The following HS3ST4 variants were observed in gnomAD, a reference collection of about 807,000 sequenced individuals.
HS3ST4 encodes heparan sulfate glucosamine 3-O-sulfotransferase 4.
In HS3ST4, 17 loss-of-function variants were observed where a neutral mutation model predicts 29.2. That is an observed-to-expected ratio of 0.58 (90% CI 0.40 to 0.87). HS3ST4 has a LOEUF of 0.87. Ranked by LOEUF, HS3ST4 falls within the 40% of genes least tolerant of loss-of-function variation. The pLI is 0.00. For synonymous variants in HS3ST4, 314 were observed against 285.7 expected, an observed-to-expected ratio of 1.10 and a Z score of -1.00; for missense variants, 627 against 634.5, an observed-to-expected ratio of 0.99 and a Z score of 0.13.
At chr16:26,050,754 G>A (rs1212491596) in intron 1 of HS3ST4, among the ~76,000 whole-genome samples, 6 of 152,150 alleles carry the variant, frequency 3.9e-5, no homozygotes, top group South Asian at 4.1e-4. Context: ...ATAAATGAGC[G>A]GAGGTGTATG....
chr16:26,003,970 A>G (rs1244545010), intron 1 of HS3ST4, among the ~76,000 whole-genome samples: 1 of 152,054 alleles, frequency 6.6e-6, no homozygotes, highest in African/African-American at 2.4e-5. Context: ...GTGAGCTCCT[A>G]ATCCCAATTT....
chr16:25,806,796 GTTGTAC>G (rs760805371), intron 1 of HS3ST4, among the ~76,000 whole-genome samples: 23 of 152,022 alleles, frequency 1.5e-4, no homozygotes, highest in Admixed American at 6.6e-4. Flanking sequence ...GATGTTTCCA[GTTGTAC>G]TTGTACTCAT....
At chr16:26,010,372 T>C (rs2141739239) in intron 1 of HS3ST4, among the ~76,000 whole-genome samples, 1 of 151,870 alleles carries the variant, frequency 6.6e-6, no homozygotes, top group Non-Finnish European at 1.5e-5. Flanking sequence ...GAGAATGGCT[T>C]GAACCCTGGA....
chr16:26,034,312 G>A (rs747833720), intron 1 of HS3ST4, among the ~76,000 whole-genome samples: 1 of 152,122 alleles, frequency 6.6e-6, no homozygotes, highest in Admixed American at 6.5e-5. Flanking sequence ...TGCCTGAATG[G>A]CCTCTTCAGC....
chr16:26,136,439 G>A lies in HS3ST4; in HGVS notation c.*191G>A. ...TGGATCCCATGGCATCCCCATGGAGGAACCAGGCCCATCTGGGCAGCAGCA... is the reference window on the plus strand; with the variant it reads ...TGGATCCCATGGCATCCCCATGGAGAAACCAGGCCCATCTGGGCAGCAGCA... On this transcript the variant is annotated 3_prime_UTR_variant, in exon 2 of 2. Transcript: ENST00000331351. 3.3e-6 allele frequency: 2 copies of A among 607,996 alleles called. No homozygotes were observed. The highest frequency in any genetic ancestry group is 5.6e-5 in the East Asian group (2 of 35,932). The allele number at this position is 607,996 out of a possible 1,614,324, so 37.7% of individuals were successfully genotyped here.
At chr16:26,039,911 A>G (rs562688572) in intron 1 of HS3ST4, among the ~76,000 whole-genome samples, 7 of 152,306 alleles carry the variant, frequency 4.6e-5, no homozygotes, top group African/African-American at 1.7e-4. Flanking sequence ...ATAGATACTT[A>G]GATGGTTTTC....
At chr16:25,865,492 AT>A (rs199557357) in intron 1 of HS3ST4, among the ~76,000 whole-genome samples, 21,459 of 152,110 alleles carry the variant, frequency 0.14, 1,573 homozygotes, top group East Asian at 0.25. Flanking sequence ...TCCTTTGCCC[AT>A]TTTAAAAATC....
intron 1 of HS3ST4, among the ~76,000 whole-genome samples, chr16:25,747,236 C>G: frequency 6.6e-6 from 1 of 152,198 alleles, no homozygotes; most frequent in East Asian, 1.9e-4. Context: ...TTCCTTGATC[C>G]TGGTGACTAC....
chr16:25,914,628 G>GGT (rs150718719), intron 1 of HS3ST4, among the ~76,000 whole-genome samples: 40 of 149,024 alleles, frequency 2.7e-4, no homozygotes, highest in East Asian at 2.0e-3. Context: ...GGGTGTGTGT[G>GGT]GTGTGTGTGT....
chr16:26,096,552 A>T (rs1273034371), intron 1 of HS3ST4, among the ~76,000 whole-genome samples: 1 of 152,198 alleles, frequency 6.6e-6, no homozygotes, highest in Admixed American at 6.5e-5. Context: ...CAGCACCTTT[A>T]TGCTAAAAAC....
At chr16:25,761,454 A>G (rs1179358081) in intron 1 of HS3ST4, among the ~76,000 whole-genome samples, 1 of 152,230 alleles carries the variant, frequency 6.6e-6, no homozygotes, top group Non-Finnish European at 1.5e-5. Context: ...AGCAGCTACC[A>G]TCTTGGAGAG....
At chr16:25,989,549 T>A (rs1212982445) in intron 1 of HS3ST4, among the ~76,000 whole-genome samples, 1 of 152,204 alleles carries the variant, frequency 6.6e-6, no homozygotes, top group African/African-American at 2.4e-5. Flanking sequence ...TCTGATTAGT[T>A]AGCCTTAAAT....
At chr16:25,914,610 GGT>G (rs1968274031) in intron 1 of HS3ST4, among the ~76,000 whole-genome samples, 1 of 147,054 alleles carries the variant, frequency 6.8e-6, no homozygotes, top group Admixed American at 6.8e-5. Flanking sequence ...GTGTGTGTAG[GGT>G]GTGTGGGGTG....
chr16:26,115,272 C>T (rs1210328491), intron 1 of HS3ST4, among the ~76,000 whole-genome samples: 6 of 136,050 alleles, frequency 4.4e-5, no homozygotes, highest in South Asian at 2.5e-4. Flanking sequence ...TATATACACA[C>T]ACACACACAC....
chr16:25,756,064 A>G (rs1032448141), intron 1 of HS3ST4, among the ~76,000 whole-genome samples: 4 of 152,028 alleles, frequency 2.6e-5, no homozygotes, highest in African/African-American at 2.4e-5. Flanking sequence ...ATATGCAAAC[A>G]AAGTATGTCA....
chr16:25,925,490 G>A lies in HS3ST4; in HGVS notation c.735-210122G>A, dbSNP rs1030408019. Among the ~76,000 whole-genome samples the A allele has an allele frequency of 3.9e-5, 6 of 152,168 alleles. No individual in the cohort carries two copies. In the East Asian group the frequency reaches 9.7e-4, roughly 25 times the overall value. On this transcript the variant is annotated intron_variant, in intron 1 of 1. Transcript: ENST00000331351. ...AGCTCAGTGTCACAGATTACGCCGCGACGCTGTTGAAACACAAACCAAATG... is the reference window on the plus strand; with the variant it reads ...AGCTCAGTGTCACAGATTACGCCGCAACGCTGTTGAAACACAAACCAAATG...
intron 1 of HS3ST4, among the ~76,000 whole-genome samples, chr16:25,713,659 C>T (rs1251741277): frequency 6.6e-6 from 1 of 152,180 alleles, no homozygotes; most frequent in East Asian, 1.9e-4. Flanking sequence ...ATAGGTATGG[C>T]GTAAACATCC....
At chr16:25,948,667 A>G (rs1968654404) in intron 1 of HS3ST4, among the ~76,000 whole-genome samples, 1 of 152,132 alleles carries the variant, frequency 6.6e-6, no homozygotes, top group Admixed American at 6.5e-5. Context: ...GGCATTCCGT[A>G]AATGTTCTTT....
chr16:25,708,823 A>G (rs1966394271), intron 1 of HS3ST4, among the ~76,000 whole-genome samples: 1 of 152,096 alleles, frequency 6.6e-6, no homozygotes, highest in East Asian at 1.9e-4. Flanking sequence ...GGACTTTTCA[A>G]TTTTCCTGGG....
Sources: gnomAD v4.1 joint callset for allele counts (sites outside exome capture counted in the v4.1 genomes callset) on GRCh38, gnomAD v4.1.1 for gene constraint, MANE v1.5 for transcripts, NCBI Gene and HGNC (gene_info 2026-07-23, HGNC 2026-07-21) for gene names.